The following STXBP4 variants were observed in gnomAD, a reference collection of about 807,000 sequenced individuals.
STXBP4 encodes the protein syntaxin binding protein 4.
STXBP4 carries 55 observed loss-of-function variants against 76.1 expected under a neutral mutation model. That is an observed-to-expected ratio of 0.72 (90% CI 0.58 to 0.91). The LOEUF is 0.91. STXBP4 is among the 40% of genes least tolerant of loss of function. The pLI is 0.00. For missense variants in STXBP4, 618 were observed against 636.9 expected, an observed-to-expected ratio of 0.97 and a Z score of 0.32; for synonymous variants, 201 against 220.2, an observed-to-expected ratio of 0.91 and a Z score of 0.77.
chr17:55,084,194 C>T (rs909414229), intron 16 of STXBP4, among the ~76,000 whole-genome samples: 1 of 152,050 alleles, frequency 6.6e-6, no homozygotes, highest in Non-Finnish European at 1.5e-5. Context: ...GAGATGGTAT[C>T]TCATTGTGGT....
intron 8 of STXBP4, among the ~76,000 whole-genome samples, chr17:55,010,558 A>C (rs2078091073): frequency 6.6e-6 from 1 of 152,140 alleles, no homozygotes; most frequent in Non-Finnish European, 1.5e-5. Context: ...ACTTATAAAT[A>C]TGCATTATAA....
At chr17:55,041,386 T>A (rs1231903223) in intron 10 of STXBP4, among the ~76,000 whole-genome samples, 1 of 152,010 alleles carries the variant, frequency 6.6e-6, no homozygotes, top group Non-Finnish European at 1.5e-5. Flanking sequence ...CTGGCTAATT[T>A]TGTTTATTTT....
chr17:55,108,657 G>A (rs1248387247), intron 16 of STXBP4, among the ~76,000 whole-genome samples: 1 of 152,180 alleles, frequency 6.6e-6, no homozygotes, highest in African/African-American at 2.4e-5. Flanking sequence ...CTTGGATAGG[G>A]GAGGGAGTTC....
chr17:55,187,543 T>A, the STXBP4 span, among the ~76,000 whole-genome samples: 4 of 152,306 alleles, frequency 2.6e-5, no homozygotes, highest in South Asian at 8.3e-4. Flanking sequence ...GTCTCAGAGA[T>A]GGATGATATA....
intron 17 of STXBP4, among the ~76,000 whole-genome samples, chr17:55,141,804 G>T (rs1255423386): frequency 6.6e-6 from 1 of 152,120 alleles, no homozygotes; most frequent in African/African-American, 2.4e-5. Context: ...TTTGCTGTTT[G>T]CCAGGCAGTG....
chr17:55,055,480 T>G (rs867858468), intron 12 of STXBP4, among the ~76,000 whole-genome samples: 4 of 152,286 alleles, frequency 2.6e-5, no homozygotes, highest in Middle Eastern at 3.4e-3. Flanking sequence ...CTATTATAGC[T>G]TCCTACCAGA....
rs180781596 is a variant in STXBP4, at chr17:55,097,459, C to T, written c.1489+16276C>T. 7.0e-3 allele frequency among the ~76,000 whole-genome samples: 1,066 copies of T among 152,136 alleles called. 7 individuals are homozygous for T. The highest frequency in any genetic ancestry group is 0.021 in the African/African-American group (872 of 41,512). On this transcript the variant is annotated intron_variant, in intron 16 of 17. Coordinates refer to ENST00000376352, the MANE Select transcript of STXBP4 (RefSeq NM_178509.6). ...CGGGCGGATCACGAGGTCAGGAGAT[C>T]GAGACCATCCTGGCTAACACGGTGA... is the stretch of plus-strand genomic sequence containing the variant.
intron 7 of STXBP4, among the ~76,000 whole-genome samples, chr17:55,005,048 AAAC>A (rs1598189405): frequency 1.3e-5 from 2 of 152,170 alleles, no homozygotes; most frequent in Non-Finnish European, 1.5e-5. Context: ...TGTCTGGAAA[AAAC>A]AAGATTTTGT....
At chr17:55,132,932 G>A (rs911200695) in intron 16 of STXBP4, among the ~76,000 whole-genome samples, 1 of 152,172 alleles carries the variant, frequency 6.6e-6, no homozygotes, top group Non-Finnish European at 1.5e-5. Context: ...GAACATACTT[G>A]TTATGTTCAA....
intron 16 of STXBP4, among the ~76,000 whole-genome samples, chr17:55,124,091 G>A (rs1476864615): frequency 6.6e-6 from 1 of 152,148 alleles, no homozygotes; most frequent in African/African-American, 2.4e-5. Flanking sequence ...CAGTCACCAT[G>A]GAAAGATCTT....
the STXBP4 span, among the ~76,000 whole-genome samples, chr17:55,197,605 T>C: frequency 2.6e-5 from 4 of 152,110 alleles, no homozygotes; most frequent in African/African-American, 4.8e-5. Flanking sequence ...CAGCCAGGCG[T>C]GGTGGCATGC....
intron 12 of STXBP4, among the ~76,000 whole-genome samples, chr17:55,048,575 T>C (rs2078820928): frequency 1.3e-5 from 2 of 151,394 alleles, no homozygotes; most frequent in African/African-American, 2.4e-5. Context: ...GAAAAACACA[T>C]CTCAAATGAG....
chr17:55,189,017 C>A, the STXBP4 span, among the ~76,000 whole-genome samples: 1 of 152,090 alleles, frequency 6.6e-6, no homozygotes, highest in Non-Finnish European at 1.5e-5. Context: ...CCTGCCACCT[C>A]TGGGAAGACT....
chr17:55,097,646 G>A (rs1003588311), intron 16 of STXBP4, among the ~76,000 whole-genome samples: 2 of 148,306 alleles, frequency 1.3e-5, no homozygotes, highest in African/African-American at 4.9e-5. Flanking sequence ...CTGGGCAACA[G>A]AGCAAGACTC....
At chr17:55,096,442 T>C (rs888526755) in intron 16 of STXBP4, among the ~76,000 whole-genome samples, 3 of 152,208 alleles carry the variant, frequency 2.0e-5, no homozygotes, top group Admixed American at 6.5e-5. Context: ...TCATCTTACC[T>C]AATTTTCATG....
intron 17 of STXBP4, among the ~76,000 whole-genome samples, 192 bp downstream of exon 17, chr17:55,141,559 C>A (rs1046402454): frequency 2.0e-5 from 3 of 152,050 alleles, no homozygotes; most frequent in African/African-American, 7.2e-5. Context: ...GGGGAAAAAA[C>A]CTGGTAATAA....
chr17:55,016,582 AC>A (rs1367398130), intron 8 of STXBP4, among the ~76,000 whole-genome samples: 1 of 151,966 alleles, frequency 6.6e-6, no homozygotes, highest in Non-Finnish European at 1.5e-5. Context: ...AATTTTTCTA[AC>A]TCTGCTTCCA....
chr17:54,989,518 C>CT (rs2077682230), intron 3 of STXBP4, among the ~76,000 whole-genome samples: 1 of 152,148 alleles, frequency 6.6e-6, no homozygotes, highest in Admixed American at 6.5e-5. Flanking sequence ...CATTTTGCCT[C>CT]TGAAGTAAGA....
the STXBP4 span, among the ~76,000 whole-genome samples, chr17:55,205,126 G>C: frequency 4.2e-4 from 64 of 152,180 alleles, no homozygotes; most frequent in African/African-American, 1.5e-3. Context: ...AAATGCAAGA[G>C]AATAGCCAAG....
Sources: gnomAD v4.1 joint callset for allele counts (sites outside exome capture counted in the v4.1 genomes callset) on GRCh38, gnomAD v4.1.1 for gene constraint, MANE v1.5 for transcripts, NCBI Gene and HGNC (gene_info 2026-07-23, HGNC 2026-07-21) for gene names.